Variants in SFMBT2 observed in about 807,000 individuals in gnomAD.
SFMBT2 encodes scm-like with four MBT domains protein 2.
SFMBT2 carries 38 observed loss-of-function variants against 110.1 expected under a neutral mutation model. The observed-to-expected ratio is 0.35, with a 90% CI of 0.27 to 0.45. SFMBT2 has a LOEUF of 0.45. Among genes scored for constraint, SFMBT2 ranks in the 20% least tolerant of loss-of-function variants. The pLI, the probability that SFMBT2 is intolerant of heterozygous loss-of-function variation, is 1.00. For missense variants in SFMBT2, 1,011 were observed against 1,094.9 expected (o/e 0.92, Z 1.08); for synonymous variants, 425 against 425.4 (o/e 1.00, Z 0.01).
At chr10:7,312,555 C>CG (rs1388669765) in intron 4 of SFMBT2, among the ~76,000 whole-genome samples, 1 of 152,144 alleles carries the variant, frequency 6.6e-6, no homozygotes, top group Non-Finnish European at 1.5e-5. Flanking sequence ...GACAACCGGC[C>CG]GGAGACAGCC....
chr10:7,233,052 A>G (rs1441052046), intron 9 of SFMBT2, among the ~76,000 whole-genome samples: 2 of 152,196 alleles, frequency 1.3e-5, no homozygotes, highest in African/African-American at 4.8e-5. Context: ...CTAACAAAAG[A>G]GACATGCAGG....
rs146399129 is a variant in SFMBT2, at chr10:7,191,123, T to G, written c.1699-2390A>C. 2.6e-5 allele frequency among the ~76,000 whole-genome samples: 4 copies of G among 152,010 alleles called. No homozygotes were observed. The East Asian group carries it at 7.7e-4, about 29-fold the overall frequency. On this transcript the variant is annotated intron_variant, in intron 15 of 20. Transcript: ENST00000397167. ...CTTTTCCTTTATAAATTGCCCAGTC[T>G]CAGGTATGTCTTGATCACCAATGTG...
chr10:7,330,238 G>A (rs901320416), intron 4 of SFMBT2, among the ~76,000 whole-genome samples: 1 of 152,068 alleles, frequency 6.6e-6, no homozygotes, highest in Non-Finnish European at 1.5e-5. Context: ...ACCTTCAGCC[G>A]ACTTTATAAC....
intron 11 of SFMBT2, among the ~76,000 whole-genome samples, chr10:7,211,028 G>A (rs965612771): frequency 6.6e-6 from 1 of 152,102 alleles, no homozygotes; most frequent in African/African-American, 2.4e-5. Context: ...GATACGGGGT[G>A]TTTTCATCCC....
intron 16 of SFMBT2, among the ~76,000 whole-genome samples, chr10:7,180,295 A>ATT (rs35437776): frequency 0.64 from 91,956 of 143,734 alleles, 31,357 homozygotes; most frequent in East Asian, 0.86. Flanking sequence ...TATAGTGGTA[A>ATT]TTTTTTTTTT....
chr10:7,342,555 C>T (rs1267575687), intron 4 of SFMBT2, among the ~76,000 whole-genome samples: 2 of 151,900 alleles, frequency 1.3e-5, no homozygotes, highest in East Asian at 1.9e-4. Context: ...ACTACAGGCA[C>T]CCGCCACCGC....
At chr10:7,333,956 A>G (rs1253897594) in intron 4 of SFMBT2, among the ~76,000 whole-genome samples, 1 of 152,202 alleles carries the variant, frequency 6.6e-6, no homozygotes, top group Non-Finnish European at 1.5e-5. Context: ...GAAAGCACAC[A>G]TCTAAAGCAC....
intron 10 of SFMBT2, among the ~76,000 whole-genome samples, chr10:7,222,003 T>A (rs1469207634): frequency 6.6e-6 from 1 of 152,254 alleles, no homozygotes; most frequent in Non-Finnish European, 1.5e-5. Context: ...TCTTTCTTTA[T>A]ATTCTCATTA....
Position 7,410,996 on chromosome 10 carries a change from C to A in SFMBT2, c.-187G>T, listed in dbSNP as rs1158994134. 2.0e-5 allele frequency among the ~76,000 whole-genome samples: 3 copies of A among 150,798 alleles called. No homozygotes were observed. Among genetic ancestry groups the A allele is most frequent in the Admixed American group, 2.0e-4 (3 of 15,176 alleles). The stretch of plus-strand genomic sequence containing the variant: ...GCCCGCCGCCTCCCTCGCGCGCCCG[C>A]TCCGGTCCTCCGGCTCCCACTACAG... On this transcript the variant is annotated 5_prime_UTR_variant, in exon 1 of 21. Coordinates refer to ENST00000397167, the MANE Select transcript of SFMBT2 (RefSeq NM_001387889.1).
chr10:7,193,671 C>T (rs1035891015), intron 15 of SFMBT2, among the ~76,000 whole-genome samples: 3 of 152,282 alleles, frequency 2.0e-5, no homozygotes, highest in Admixed American at 2.0e-4. Flanking sequence ...CCTCTTGTGC[C>T]CAGGCTGGCT....
chr10:7,198,572 C>T (rs1395300387), intron 14 of SFMBT2, among the ~76,000 whole-genome samples: 1 of 152,216 alleles, frequency 6.6e-6, no homozygotes, highest in African/African-American at 2.4e-5. Context: ...AACAATGGTT[C>T]CTGTTGCACT....
intron 4 of SFMBT2, among the ~76,000 whole-genome samples, chr10:7,289,261 T>C (rs569253633): frequency 1.3e-5 from 2 of 152,342 alleles, no homozygotes; most frequent in Middle Eastern, 3.4e-3. Context: ...CAGCGATAAA[T>C]GGTCCTGTGC....
At chr10:7,207,177 T>C (rs958500525) in intron 11 of SFMBT2, among the ~76,000 whole-genome samples, 7 of 151,952 alleles carry the variant, frequency 4.6e-5, no homozygotes, top group Admixed American at 2.0e-4. Flanking sequence ...CTGGCCAACA[T>C]GAAGACACCT....
chr10:7,261,964 C>T (rs1470185426), intron 7 of SFMBT2, among the ~76,000 whole-genome samples: 1 of 152,254 alleles, frequency 6.6e-6, no homozygotes, highest in Non-Finnish European at 1.5e-5. Flanking sequence ...GCAAAGTAGG[C>T]CAGCCTCCTC....
intron 11 of SFMBT2, among the ~76,000 whole-genome samples, chr10:7,214,990 A>G (rs1839485200): frequency 6.6e-6 from 1 of 152,274 alleles, no homozygotes; most frequent in African/African-American, 2.4e-5. Context: ...CTCTTGTGAC[A>G]TGAAAGGCAT....
rs1192131879 is a variant in SFMBT2 at position 7,396,444 on chromosome 10, C to A, written c.-52+14417G>T. 3.9e-5 allele frequency among the ~76,000 whole-genome samples: 6 copies of A among 152,182 alleles called. No individual in the cohort carries two copies. The East Asian group carries it at 1.2e-3, about 29-fold the overall frequency. On this transcript the variant is annotated intron_variant, in intron 1 of 20. Coordinates refer to ENST00000397167, the MANE Select transcript of SFMBT2 (RefSeq NM_001387889.1). Reference sequence around the variant, plus strand: ...ATGCCTACAGTTTCCCGCCCACTGTCACTGATTTAGAATCCGGCATCCCAA... The same window carrying A: ...ATGCCTACAGTTTCCCGCCCACTGTAACTGATTTAGAATCCGGCATCCCAA...
At chr10:7,378,152 G>C (rs1040995631) in intron 2 of SFMBT2, among the ~76,000 whole-genome samples, 1 of 146,874 alleles carries the variant, frequency 6.8e-6, no homozygotes, top group Admixed American at 6.8e-5. Context: ...GTATGGATGG[G>C]TGGATGGATG....
intron 6 of SFMBT2, among the ~76,000 whole-genome samples, chr10:7,278,339 G>T (rs571844068): frequency 6.6e-6 from 1 of 152,280 alleles, no homozygotes; most frequent in South Asian, 2.1e-4. Context: ...TAGGCACAGG[G>T]ACCAGTTCAC....
chr10:7,298,146 A>G (rs1747756548), intron 4 of SFMBT2, among the ~76,000 whole-genome samples: 1 of 152,196 alleles, frequency 6.6e-6, no homozygotes, highest in Non-Finnish European at 1.5e-5. Flanking sequence ...TTGGAATTCC[A>G]AGCAACTGGA....
Sources: allele counts gnomAD v4.1 joint callset (sites outside exome capture counted in the v4.1 genomes callset), GRCh38; gene constraint gnomAD v4.1.1; transcripts MANE v1.5; gene names NCBI Gene and HGNC (gene_info 2026-07-23, HGNC 2026-07-21).